Variants in GALNT11 observed in about 807,000 individuals in gnomAD.
The protein encoded by GALNT11 is UDP-GalNAc:polypeptide N-acetylgalactosaminyltransferase 11.
In GALNT11, 47 loss-of-function variants were observed where a neutral mutation model predicts 72.7. That is an observed-to-expected ratio of 0.65 (90% CI 0.51 to 0.82). GALNT11 has a LOEUF of 0.82. Among genes scored for constraint, GALNT11 ranks in the 40% least tolerant of loss-of-function variants. The pLI is 0.00. For synonymous variants in GALNT11, 270 were observed against 286.6 expected (o/e 0.94, Z 0.58); for missense variants, 677 against 778.4 (o/e 0.87, Z 1.55).
At chr7:152,102,981 C>CAAAAA in intron 3 of GALNT11, 131 bp from the exon 4 acceptor site, 1 of 600,386 alleles carries the variant, frequency 1.7e-6, no homozygotes, top group Non-Finnish European at 2.5e-6. Flanking sequence ...GACTCCGTCT[C>CAAAAA]AAAAAAAAAA....
chr7:152,052,792 A>G (rs1417059703), intron 1 of GALNT11, among the ~76,000 whole-genome samples: 2 of 152,128 alleles, frequency 1.3e-5, no homozygotes, highest in African/African-American at 4.8e-5. Flanking sequence ...GATTTTAAAC[A>G]CCTCTGTCAG....
chr7:152,032,342 A>G (rs566681226), intron 1 of GALNT11, among the ~76,000 whole-genome samples: 1 of 152,290 alleles, frequency 6.6e-6, no homozygotes, highest in East Asian at 1.9e-4. Flanking sequence ...GTCATAGTGC[A>G]GGGGAATACA....
At chr7:152,077,892 A>C (rs1266697544) in intron 1 of GALNT11, among the ~76,000 whole-genome samples, 2 of 152,142 alleles carry the variant, frequency 1.3e-5, no homozygotes, top group African/African-American at 4.8e-5. Context: ...TCATGGAGAT[A>C]AAAGTTGAAT....
intron 3 of GALNT11, among the ~76,000 whole-genome samples, chr7:152,101,839 G>A (rs969327168): frequency 3.9e-5 from 6 of 152,052 alleles, no homozygotes; most frequent in Admixed American, 2.6e-4. Flanking sequence ...TCACCATGTT[G>A]GCCAGGCTGG....
chr7:152,102,373 C>G (rs1279594567), intron 3 of GALNT11, among the ~76,000 whole-genome samples: 2 of 151,906 alleles, frequency 1.3e-5, no homozygotes, highest in Admixed American at 1.3e-4. Flanking sequence ...GAAACTCTGT[C>G]TCTACTAAAA....
At chr7:152,051,944 G>T (rs984163222) in intron 1 of GALNT11, among the ~76,000 whole-genome samples, 1 of 151,986 alleles carries the variant, frequency 6.6e-6, no homozygotes. Flanking sequence ...CTGTATAATT[G>T]AGTGGCATTA....
intron 1 of GALNT11, among the ~76,000 whole-genome samples, chr7:152,052,524 T>G (rs1004113012): frequency 1.3e-5 from 2 of 152,216 alleles, no homozygotes; most frequent in Non-Finnish European, 2.9e-5. Context: ...ACTGCTTTCT[T>G]AAAGATCTTC....
intron 2 of GALNT11, among the ~76,000 whole-genome samples, chr7:152,097,400 G>C (rs1384961308): frequency 2.0e-5 from 3 of 152,154 alleles, no homozygotes; most frequent in African/African-American, 7.2e-5. Flanking sequence ...ACATGTTGCT[G>C]GTGGGAATGG....
intron 1 of GALNT11, among the ~76,000 whole-genome samples, chr7:152,062,662 G>A (rs1013281541): frequency 6.6e-6 from 1 of 152,164 alleles, no homozygotes; most frequent in Non-Finnish European, 1.5e-5. Flanking sequence ...TTTATTGAGA[G>A]TTTTTAGCAT....
At chr7:152,034,310 C>T (rs1357150732) in intron 1 of GALNT11, among the ~76,000 whole-genome samples, 1 of 152,132 alleles carries the variant, frequency 6.6e-6, no homozygotes, top group East Asian at 1.9e-4. Context: ...TATTCTCCTT[C>T]AATGAAAAGA....
chr7:152,121,147 A>G (rs535305517), intron 11 of GALNT11, among the ~76,000 whole-genome samples, 179 bp downstream of exon 11: 1 of 152,188 alleles, frequency 6.6e-6, no homozygotes, highest in Non-Finnish European at 1.5e-5. Flanking sequence ...CTTTCTAGAG[A>G]TACACCTGTG....
chr7:152,121,853 C>A lies in GALNT11; in HGVS notation c.*176C>A, dbSNP rs1046208759. 6 of 701,170 alleles carry A rather than the reference C, an allele frequency of 8.6e-6. No homozygotes were observed. Among genetic ancestry groups the A allele is most frequent in the Non-Finnish European group, 1.1e-5 (5 of 447,580 alleles). 43.4% of individuals were successfully genotyped at this position (701,170 alleles called of 1,614,324 possible). On this transcript the variant is annotated 3_prime_UTR_variant, in exon 12 of 12. Transcript: ENST00000430044. ...AGAGGTGACACGTGTCTGACAGAGA[C>A]GGGAGCTCTGAGTGTCCACGGGTGA...
At chr7:152,098,354 G>A (rs763111360) in intron 2 of GALNT11, among the ~76,000 whole-genome samples, 2 of 151,974 alleles carry the variant, frequency 1.3e-5, no homozygotes, top group Non-Finnish European at 2.9e-5. Flanking sequence ...GGGCCCAGGA[G>A]GCAGAGGCTA....
At chr7:152,089,130 G>C (rs1036262742) in intron 1 of GALNT11, among the ~76,000 whole-genome samples, 16 of 152,072 alleles carry the variant, frequency 1.1e-4, no homozygotes, top group Non-Finnish European at 2.4e-4. Context: ...TGGACAGTTT[G>C]GTGGGCAGGG....
At chr7:152,113,712 CTTTT>C (rs6150397) in intron 8 of GALNT11, among the ~76,000 whole-genome samples, 18 of 96,982 alleles carry the variant, frequency 1.9e-4, no homozygotes, top group Non-Finnish European at 3.0e-4. Flanking sequence ...AGTTGGCTTT[CTTTT>C]TTTTTTTTTT....
chr7:152,033,913 G>A (rs1237257005), intron 1 of GALNT11, among the ~76,000 whole-genome samples: 2 of 152,172 alleles, frequency 1.3e-5, no homozygotes, highest in African/African-American at 4.8e-5. Context: ...TTCATTAAAG[G>A]CCTGGGTTTG....
At chr7:152,050,261 A>C (rs1289920692) in intron 1 of GALNT11, among the ~76,000 whole-genome samples, 1 of 152,144 alleles carries the variant, frequency 6.6e-6, no homozygotes, top group Admixed American at 6.5e-5. Flanking sequence ...CCAAAGGTCC[A>C]TGATGAGTAT....
At chr7:152,096,918 C>T (rs752801807) in intron 2 of GALNT11, among the ~76,000 whole-genome samples, 4 of 152,288 alleles carry the variant, frequency 2.6e-5, no homozygotes, top group South Asian at 4.1e-4. Context: ...GCCTCAATCT[C>T]CTTGGCTCGT....
intron 1 of GALNT11, among the ~76,000 whole-genome samples, chr7:152,071,285 T>TGG (rs111913392): frequency 3.3e-5 from 5 of 150,844 alleles, no homozygotes; most frequent in African/African-American, 1.2e-4. Context: ...CGGGCACACC[T>TGG]GGGGGTGCTG....
Sources: allele counts gnomAD v4.1 joint callset (sites outside exome capture counted in the v4.1 genomes callset), GRCh38; gene constraint gnomAD v4.1.1; transcripts MANE v1.5; gene names NCBI Gene and HGNC (gene_info 2026-07-23, HGNC 2026-07-21).